MAGI2: variants seen among roughly 807,000 people sequenced by gnomAD.
MAGI2 encodes the protein membrane associated guanylate kinase, WW and PDZ domain containing 2.
Under a neutral mutation model 133.3 loss-of-function variants are expected in MAGI2, and 35 were observed. That is an observed-to-expected ratio of 0.26 (90% CI 0.20 to 0.35). MAGI2 has a LOEUF of 0.35. MAGI2 is among the 10% of genes least tolerant of loss of function. MAGI2 has a pLI of 1.00. For synonymous variants in MAGI2, 729 were observed against 710.6 expected (o/e 1.03, Z -0.41); for missense variants, 1,636 against 1,863.4 (o/e 0.88, Z 2.25).
Position 79,247,721 on chromosome 7 carries a change from A to T in MAGI2, c.301+205299T>A, listed in dbSNP as rs140560226. ...AAGTTCAAAAATGGGGGTGGGAGAAAGTTACAGTGTACAGTTTTTATTAGT... is the reference window on the plus strand; with the variant it reads ...AAGTTCAAAAATGGGGGTGGGAGAATGTTACAGTGTACAGTTTTTATTAGT... On this transcript the variant is annotated intron_variant, in intron 1 of 21. Transcript: ENST00000354212. Among the ~76,000 whole-genome samples, 65 of 152,290 alleles carry T rather than the reference A, an allele frequency of 4.3e-4. No individual in the cohort carries two copies. In the East Asian group the frequency reaches 0.011, roughly 26 times the overall value.
chr7:78,813,413 A>T (rs1362754450), intron 2 of MAGI2, among the ~76,000 whole-genome samples: 2 of 152,264 alleles, frequency 1.3e-5, no homozygotes, highest in Non-Finnish European at 2.9e-5. Context: ...ATGTTACCAC[A>T]ACATTAACAG....
At chr7:78,812,721 T>C (rs900777802) in intron 2 of MAGI2, among the ~76,000 whole-genome samples, 1 of 152,184 alleles carries the variant, frequency 6.6e-6, no homozygotes, top group African/African-American at 2.4e-5. Flanking sequence ...TACTAGGCAT[T>C]GTTGGTAAAG....
intron 2 of MAGI2, among the ~76,000 whole-genome samples, chr7:78,723,277 G>A (rs1820436299): frequency 6.6e-6 from 1 of 152,062 alleles, no homozygotes; most frequent in Non-Finnish European, 1.5e-5. Flanking sequence ...ATTGGATGCT[G>A]GCTAATAAAA....
intron 1 of MAGI2, among the ~76,000 whole-genome samples, chr7:79,386,379 T>A (rs1013957623): frequency 1.3e-5 from 2 of 152,048 alleles, no homozygotes; most frequent in African/African-American, 4.8e-5. Flanking sequence ...GTTTTAACAG[T>A]TATATATGAA....
At chr7:78,666,289 CA>C (rs569332365) in intron 2 of MAGI2, among the ~76,000 whole-genome samples, 399 of 152,108 alleles carry the variant, frequency 2.6e-3, no homozygotes, top group Non-Finnish European at 2.0e-3. Flanking sequence ...ATAAAGAATT[CA>C]AAAAGACAGA....
chr7:79,022,451 A>T (rs1355810676), intron 1 of MAGI2, among the ~76,000 whole-genome samples: 1 of 152,104 alleles, frequency 6.6e-6, no homozygotes, highest in Non-Finnish European at 1.5e-5. Flanking sequence ...ACCACCCAAC[A>T]TCATATCTAG....
intron 10 of MAGI2, among the ~76,000 whole-genome samples, chr7:78,242,373 G>A (rs993645093): frequency 1.3e-5 from 2 of 152,190 alleles, no homozygotes; most frequent in Non-Finnish European, 2.9e-5. Flanking sequence ...CAGGAGATCT[G>A]CCATTCAGGA....
intron 16 of MAGI2, 140 bp downstream of exon 16, chr7:78,159,885 A>C (rs1824797524): frequency 1.7e-6 from 2 of 1,145,532 alleles, no homozygotes; most frequent in Non-Finnish European, 1.2e-6. Context: ...TGGATGCCTT[A>C]TTTGTGCCCA....
chr7:79,431,619 C>T (rs1047859586), intron 1 of MAGI2, among the ~76,000 whole-genome samples: 1 of 152,100 alleles, frequency 6.6e-6, no homozygotes, highest in Non-Finnish European at 1.5e-5. Context: ...TTTATGATTT[C>T]AGCATGAAAA....
rs1848707925 is a variant in MAGI2 at position 79,444,460 on chromosome 7, CA to C, written c.301+8559del. On this transcript the variant is annotated intron_variant, in intron 1 of 21. Transcript: ENST00000354212. The stretch of plus-strand genomic sequence containing the variant: ...TCCTTAAGCTGATAAGCAACTTCAG[CA>C]AAGTCTCAGCATACAAAATCAATGT... 3.9e-5 allele frequency among the ~76,000 whole-genome samples: 6 copies of C among 152,292 alleles called. No individual in the cohort carries two copies. In the South Asian group the frequency reaches 1.0e-3, roughly 26 times the overall value.
chr7:78,293,479 T>C (rs552054264), intron 9 of MAGI2, among the ~76,000 whole-genome samples: 13 of 152,330 alleles, frequency 8.5e-5, no homozygotes, highest in African/African-American at 2.9e-4. Context: ...ACTTTTACAC[T>C]GTTGGTGGGA....
intron 7 of MAGI2, among the ~76,000 whole-genome samples, chr7:78,356,683 G>C (rs117121870): frequency 1.8e-3 from 275 of 152,276 alleles, no homozygotes; most frequent in African/African-American, 6.3e-3. Context: ...AACCTTGAGC[G>C]CTGGTGGGAA....
chr7:79,057,886 T>C (rs1423514347), intron 1 of MAGI2, among the ~76,000 whole-genome samples: 2 of 152,054 alleles, frequency 1.3e-5, no homozygotes, highest in Non-Finnish European at 2.9e-5. Flanking sequence ...ATTGCATTTT[T>C]TGCTAATCCC....
intron 2 of MAGI2, among the ~76,000 whole-genome samples, chr7:78,800,171 C>G (rs909850968): frequency 2.0e-5 from 3 of 152,018 alleles, no homozygotes; most frequent in African/African-American, 4.8e-5. Flanking sequence ...CTCAGTAATA[C>G]CAGGGTTATA....
intron 21 of MAGI2, among the ~76,000 whole-genome samples, chr7:78,069,510 A>T (rs911707420): frequency 3.6e-5 from 5 of 140,072 alleles, no homozygotes; most frequent in South Asian, 2.4e-4. Flanking sequence ...TGTGTGTGTG[A>T]GAGAGAGAGA....
intron 1 of MAGI2, among the ~76,000 whole-genome samples, chr7:79,025,516 A>G (rs1480336588): frequency 1.3e-5 from 2 of 152,186 alleles, no homozygotes; most frequent in Non-Finnish European, 2.9e-5. Flanking sequence ...TTTTTTAAAA[A>G]GGAATAGAAT....
At chr7:78,331,749 T>C (rs892529186) in intron 9 of MAGI2, among the ~76,000 whole-genome samples, 1 of 152,194 alleles carries the variant, frequency 6.6e-6, no homozygotes, top group Non-Finnish European at 1.5e-5. Flanking sequence ...TAATATAACA[T>C]TCCTGGTGTT....
chr7:79,338,182 A>G (rs1840579906), intron 1 of MAGI2, among the ~76,000 whole-genome samples: 2 of 152,152 alleles, frequency 1.3e-5, no homozygotes, highest in Non-Finnish European at 2.9e-5. Context: ...GAAGGCAGTG[A>G]GACTAAGGGT....
intron 2 of MAGI2, among the ~76,000 whole-genome samples, chr7:78,704,877 T>G (rs1227662690): frequency 6.6e-6 from 1 of 150,436 alleles, no homozygotes; most frequent in Non-Finnish European, 1.5e-5. Flanking sequence ...GAGGAGGCCA[T>G]TATTCTAAGT....
Sources: allele counts gnomAD v4.1 joint callset (sites outside exome capture counted in the v4.1 genomes callset), GRCh38; gene constraint gnomAD v4.1.1; transcripts MANE v1.5; gene names NCBI Gene and HGNC (gene_info 2026-07-23, HGNC 2026-07-21).